Variants in TCN2 observed in about 807,000 individuals in gnomAD.
TCN2 encodes transcobalamin-2.
Under a neutral mutation model 48.6 loss-of-function variants are expected in TCN2, and 34 were observed. That is an observed-to-expected ratio of 0.70 (90% CI 0.53 to 0.93). The LOEUF is 0.93. Among genes scored for constraint, TCN2 ranks in the 40% least tolerant of loss-of-function variants. The pLI, the probability that TCN2 is intolerant of heterozygous loss-of-function variation, is 0.00. For missense variants in TCN2, 652 were observed against 526.1 expected, an observed-to-expected ratio of 1.24 and a Z score of -2.34; for synonymous variants, 283 against 212.5, an observed-to-expected ratio of 1.33 and a Z score of -2.89.
At chr22:30,611,220 G>A in intron 2 of TCN2, 157 bp downstream of exon 2, 1 of 893,632 alleles carries the variant, frequency 1.1e-6, no homozygotes, top group South Asian at 1.4e-5. Flanking sequence ...TAGAATGAAG[G>A]GGTTGGTTGG....
chr22:30,617,021 T>C (rs1465893517), intron 6 of TCN2, among the ~76,000 whole-genome samples: 3 of 152,088 alleles, frequency 2.0e-5, no homozygotes, highest in South Asian at 2.1e-4. Context: ...AAGAGCCCTC[T>C]GGAGTGCTAG....
chr22:30,619,223 C>G (rs1043199786), intron 7 of TCN2, among the ~76,000 whole-genome samples: 1 of 152,164 alleles, frequency 6.6e-6, no homozygotes, highest in African/African-American at 2.4e-5. Flanking sequence ...AACAGGCATG[C>G]GCCACCACGC....
intron 7 of TCN2, among the ~76,000 whole-genome samples, chr22:30,618,431 A>G (rs1194416381): frequency 6.6e-6 from 1 of 151,824 alleles, no homozygotes; most frequent in Admixed American, 6.6e-5. Context: ...GGCTCACTGC[A>G]ACCTCCGTCT....
intron 4 of TCN2, 46 bp from the exon 5 acceptor site, chr22:30,615,255 C>G (rs752043988): frequency 4.0e-5 from 65 of 1,610,830 alleles, no homozygotes; most frequent in Non-Finnish European, 5.1e-5. Flanking sequence ...CTGTCCTGGC[C>G]CCTTTGGCTC....
intron 1 of TCN2, among the ~76,000 whole-genome samples, 160 bp downstream of exon 1, chr22:30,607,555 A>G (rs890529896): frequency 6.6e-6 from 1 of 152,168 alleles, no homozygotes; most frequent in Non-Finnish European, 1.5e-5. Flanking sequence ...GATTGATTAT[A>G]TGTTTGACTC....
intron 1 of TCN2, among the ~76,000 whole-genome samples, chr22:30,608,818 C>T (rs895324338): frequency 4.6e-5 from 7 of 152,192 alleles, no homozygotes; most frequent in Admixed American, 2.6e-4. Flanking sequence ...CCAGCAAGAG[C>T]TCTTCCTCCT....
At chr22:30,611,275 T>TGTCTACTATCTTTTGCTA (rs1363785569) in intron 2 of TCN2, among the ~76,000 whole-genome samples, 6 of 152,206 alleles carry the variant, frequency 3.9e-5, no homozygotes, top group Non-Finnish European at 8.8e-5. Context: ...GCTACTACTG[T>TGTCTACTATCTTTTGCTA]CCATCATGTG....
At chr22:30,625,201 A>G (rs2087787494) in intron 8 of TCN2, among the ~76,000 whole-genome samples, 1 of 151,966 alleles carries the variant, frequency 6.6e-6, no homozygotes, top group Non-Finnish European at 1.5e-5. Context: ...CTGGGCAACA[A>G]GAGTGAAACT....
rs2087743934 is a variant in TCN2 at position 30,623,821 on chromosome 22, C to CACAT, written c.1222+739_1222+740insCATA. Among the ~76,000 whole-genome samples the CACAT allele has an allele frequency of 6.5e-5, 2 of 30,626 alleles. 1 individual carries two copies. The highest frequency in any genetic ancestry group is 1.1e-4 in the Non-Finnish European group (2 of 17,732). 20.1% of individuals were successfully genotyped at this position (30,626 alleles called of 152,430 possible). The stretch of plus-strand genomic sequence containing the variant: ...ACACACATACACATATATACACACA[C>CACAT]ATACACACACATATACACACACATA... On this transcript the variant is annotated intron_variant, in intron 8 of 8. Coordinates refer to ENST00000215838, the MANE Select transcript of TCN2 (RefSeq NM_000355.4).
rs779255018 is a variant in TCN2, at chr22:30,615,629, C to A, written c.782C>A (p.Ala261Glu). 6.2e-7 allele frequency: 1 copy of A among 1,614,020 alleles called. No individual in the cohort carries two copies. The highest frequency in any genetic ancestry group is 8.5e-7 in the Non-Finnish European group (1 of 1,180,018). Residue 261 changes from alanine to glutamate, a missense_variant, in exon 6 of 9, where the codon GCA becomes GAA. Ala to Glu is a moderately radical substitution (Grantham distance 107). Transcript: ENST00000215838. ...QFLMTSPMRG[A>E]ELGTACLKAR... ...CTCATGACTTCCCCCATGCGTGGGG[C>A]AGAACTGGGAACAGCATGTCTCAAG...
At chr22:30,615,996 C>T (rs751360450) in intron 6 of TCN2, among the ~76,000 whole-genome samples, 1 of 151,658 alleles carries the variant, frequency 6.6e-6, no homozygotes, top group Non-Finnish European at 1.5e-5. Flanking sequence ...CTGGGCATAT[C>T]GCTTGTGTGA....
At chr22:30,610,747 T>G (rs2087525232) in intron 1 of TCN2, 124 bp from the exon 2 acceptor site, 1 of 940,098 alleles carries the variant, frequency 1.1e-6, no homozygotes, top group African/African-American at 1.6e-5. Flanking sequence ...TGCAAGTTGG[T>G]GTGTGCTGGG....
At chr22:30,616,631 T>C (rs1194904604) in intron 6 of TCN2, among the ~76,000 whole-genome samples, 1 of 152,054 alleles carries the variant, frequency 6.6e-6, no homozygotes, top group South Asian at 2.1e-4. Context: ...TGAAACCCTG[T>C]CTTTACTAAA....
intron 1 of TCN2, among the ~76,000 whole-genome samples, chr22:30,609,935 T>C (rs1197496754): frequency 1.3e-5 from 2 of 152,166 alleles, no homozygotes; most frequent in Non-Finnish European, 2.9e-5. Context: ...GTCCTCGTTC[T>C]GGTCCCCTGG....
At position 30,626,487 on chromosome 22, in the gene TCN2, G is replaced by A; in HGVS notation, c.1250G>A (p.Gly417Glu). 6.2e-7 allele frequency: 1 copy of A among 1,614,124 alleles called. No individual in the cohort carries two copies. Among genetic ancestry groups the A allele is most frequent in the Non-Finnish European group, 8.5e-7 (1 of 1,180,014 alleles). ...ATTGCTGACTACAGACCCAAGGATG[G>A]AGAAACCATTGAGCTGAGGCTGGTT... The part of the protein sequence containing the change: ...QGIADYRPKD[G>E]ETIELRLVSW Residue 417 changes from glycine (G) to glutamate (E), a missense_variant, in exon 9 of 9, where the codon GGA (glycine) becomes GAA (glutamate). By Grantham distance (98) the Gly-to-Glu change is moderately conservative. Coordinates refer to ENST00000215838, the MANE Select transcript of TCN2 (RefSeq NM_000355.4).
intron 7 of TCN2, 28 bp from the exon 8 acceptor site, chr22:30,622,940 T>C (rs1317930957): frequency 3.7e-6 from 6 of 1,610,710 alleles, no homozygotes; most frequent in Admixed American, 1.7e-5. Flanking sequence ...CCACCTCTTC[T>C]CTCCCCATTT....
chr22:30,617,608 C>G (rs1451621389), intron 7 of TCN2, 113 bp downstream of exon 7: 4 of 1,368,106 alleles, frequency 2.9e-6, no homozygotes, highest in Non-Finnish European at 4.1e-6. Context: ...GACACTGGCC[C>G]TGCTTCTGCT....
intron 6 of TCN2, 27 bp downstream of exon 6, chr22:30,615,814 G>C (rs944508756): frequency 6.2e-7 from 1 of 1,613,764 alleles, no homozygotes; most frequent in Non-Finnish European, 8.5e-7. Context: ...TGGAAGCACA[G>C]CCCTTTACAA....
At chr22:30,622,153 A>G (rs1404122782) in intron 7 of TCN2, among the ~76,000 whole-genome samples, 1 of 151,970 alleles carries the variant, frequency 6.6e-6, no homozygotes, top group Non-Finnish European at 1.5e-5. Context: ...ACACCTGGCT[A>G]ATTTTGTGTT....
Sources: allele counts gnomAD v4.1 joint callset (sites outside exome capture counted in the v4.1 genomes callset), GRCh38; gene constraint gnomAD v4.1.1; transcripts MANE v1.5; gene names NCBI Gene and HGNC (gene_info 2026-07-23, HGNC 2026-07-21).